Variants in KLHL29 observed in about 807,000 individuals in gnomAD.
KLHL29 encodes the protein kelch like family member 29.
KLHL29 carries 21 observed loss-of-function variants against 80.4 expected under a neutral mutation model. The ratio of observed to expected loss-of-function variants is 0.26; its 90% CI spans 0.19 to 0.38. KLHL29 has a LOEUF of 0.38. Ranked by LOEUF, KLHL29 falls within the 10% of genes least tolerant of loss-of-function variation. The pLI is 1.00. For missense variants in KLHL29, 867 were observed against 1,223.9 expected (o/e 0.71, Z 4.35); for synonymous variants, 511 against 526.8 (o/e 0.97, Z 0.41).
chr2:23,653,315 T>C (rs924762373), intron 5 of KLHL29, among the ~76,000 whole-genome samples: 2 of 152,232 alleles, frequency 1.3e-5, no homozygotes, highest in African/African-American at 4.8e-5. Context: ...CCCTGTGGAA[T>C]TGCTTCATTT....
intron 1 of KLHL29, among the ~76,000 whole-genome samples, chr2:23,404,488 C>A (rs1304555704): frequency 6.6e-6 from 1 of 152,330 alleles, no homozygotes; most frequent in South Asian, 2.1e-4. Context: ...TCCTTTAAAT[C>A]TCGTGAAGGA....
At chr2:23,442,823 A>G (rs1272284741) in intron 1 of KLHL29, among the ~76,000 whole-genome samples, 1 of 152,202 alleles carries the variant, frequency 6.6e-6, no homozygotes, top group East Asian at 1.9e-4. Context: ...CACCAAAGTA[A>G]CAGTCCATTA....
At chr2:23,469,274 T>C (rs532874471) in intron 1 of KLHL29, among the ~76,000 whole-genome samples, 1 of 152,292 alleles carries the variant, frequency 6.6e-6, no homozygotes, top group African/African-American at 2.4e-5. Context: ...CATGGTGACC[T>C]GGAGGGTGTT....
At chr2:23,554,085 G>A (rs1465889935) in intron 2 of KLHL29, among the ~76,000 whole-genome samples, 1 of 152,280 alleles carries the variant, frequency 6.6e-6, no homozygotes, top group East Asian at 1.9e-4. Flanking sequence ...CTGGGGGCTG[G>A]AGCAGCCCCA....
In KLHL29 at chr2:23,442,302, C is replaced by T. The variant is rs111565784; in HGVS notation, c.-153-33258C>T. 6.8e-3 allele frequency among the ~76,000 whole-genome samples: 1,029 copies of T among 152,194 alleles called. 8 individuals are homozygous for T. The highest frequency in any genetic ancestry group is 0.019 in the African/African-American group (776 of 41,530). ...GATATGGGGTCTCCCTGTGTTGCCCCAGCTGGCCTCAAACTCCTGGGCTCA... is the reference window on the plus strand; with the variant it reads ...GATATGGGGTCTCCCTGTGTTGCCCTAGCTGGCCTCAAACTCCTGGGCTCA... On this transcript the variant is annotated intron_variant, in intron 1 of 13. Transcript: ENST00000486442.
chr2:23,692,748 T>G (rs1671701237), intron 7 of KLHL29, among the ~76,000 whole-genome samples: 1 of 151,946 alleles, frequency 6.6e-6, no homozygotes. Flanking sequence ...ACCTAGCCAC[T>G]AAGCCCAGGA....
intron 2 of KLHL29, among the ~76,000 whole-genome samples, chr2:23,505,032 C>T (rs1457060072): frequency 6.6e-6 from 1 of 152,228 alleles, no homozygotes; most frequent in Non-Finnish European, 1.5e-5. Flanking sequence ...TCTCACCTTC[C>T]CGCTGGGAAC....
intron 1 of KLHL29, among the ~76,000 whole-genome samples, chr2:23,434,190 G>A (rs993924111): frequency 3.6e-4 from 55 of 152,002 alleles, no homozygotes; most frequent in African/African-American, 1.2e-3. Context: ...GCGTGTTGGC[G>A]GGCGCCTGTA....
rs960249581 is a variant in KLHL29, at chr2:23,696,232, A to G, written c.1924+99A>G. The G allele has an allele frequency of 2.7e-6, 4 of 1,487,642 alleles. No individual in the cohort carries two copies. In the Admixed American group the frequency reaches 8.1e-5, roughly 30 times the overall value. The allele number at this position is 1,487,642 out of a possible 1,614,324, so 92.2% of individuals were successfully genotyped here. A position where few individuals can be genotyped will look rare whatever the true frequency, so the allele number is the denominator to read the frequency against. On this transcript the variant is annotated intron_variant, in intron 10 of 13. Transcript: ENST00000486442. The surrounding 1 kb of genome is among the most constrained non-coding windows in gnomAD (Gnocchi z 5.5). ...GGAAGGCCATGGCCCAGAAGTGTCT[A>G]CTTTGCAGGTGAAGCCTTCCTCTGC...
chr2:23,391,928 A>G (rs1233429884), intron 1 of KLHL29, among the ~76,000 whole-genome samples: 1 of 152,174 alleles, frequency 6.6e-6, no homozygotes, highest in Non-Finnish European at 1.5e-5. Context: ...GGCTTGTCCT[A>G]GTTGCAGTGA....
rs114603933 is a variant in KLHL29, at chr2:23,496,752, A to G, written c.-46+21085A>G. ...TCCTCTTCCCCTGACTTCTGTGGCA[A>G]TGCTTGGGGGAAAGTTATTTACTGA... On this transcript the variant is annotated intron_variant, in intron 2 of 13. Coordinates refer to ENST00000486442, the MANE Select transcript of KLHL29 (RefSeq NM_052920.2). 5.9e-3 allele frequency among the ~76,000 whole-genome samples: 902 copies of G among 152,308 alleles called. 14 individuals are homozygous for G. The highest frequency in any genetic ancestry group is 0.056 in the South Asian group (269 of 4,820).
rs975348383 is a variant in KLHL29, at chr2:23,503,222, G to A, written c.-46+27555G>A. 6.6e-6 allele frequency among the ~76,000 whole-genome samples: 1 copy of A among 152,200 alleles called. No individual in the cohort carries two copies. Among genetic ancestry groups the A allele is most frequent in the East Asian group, 1.9e-4 (1 of 5,186 alleles). On this transcript the variant is annotated intron_variant, in intron 2 of 13. Transcript: ENST00000486442. The surrounding 1 kb of genome is among the most constrained non-coding windows in gnomAD (Gnocchi z 4.0). ...GTCCTGTGAAGTAGACCTGGCAGGGGATGGCTGCTCCGGGCTGGCCTGGGC... is the reference window on the plus strand; with the variant it reads ...GTCCTGTGAAGTAGACCTGGCAGGGAATGGCTGCTCCGGGCTGGCCTGGGC...
chr2:23,612,446 T>C (rs1353630244), intron 3 of KLHL29, among the ~76,000 whole-genome samples: 1 of 152,124 alleles, frequency 6.6e-6, no homozygotes, highest in East Asian at 1.9e-4. Flanking sequence ...GTGAAATAAT[T>C]TGTCACCAGA....
Position 23,695,595 on chromosome 2 carries a change from A to G in KLHL29, c.1543-28A>G. On this transcript the variant is annotated intron_variant, in intron 8 of 13. Coordinates refer to ENST00000486442, the MANE Select transcript of KLHL29 (RefSeq NM_052920.2). This position sits in a 1 kb window ranked among gnomAD's most constrained non-coding sequence, Gnocchi z 7.6. ...GAGGTGGCTCTCTCTTGCTAGTCTA[A>G]GAAGATTCTGTCTCCTGTACCCTGC... is the stretch of plus-strand genomic sequence containing the variant. 2.0e-6 allele frequency: 3 copies of G among 1,501,978 alleles called. No individual in the cohort carries two copies. Among genetic ancestry groups the G allele is most frequent in the Non-Finnish European group, 2.7e-6 (3 of 1,117,256 alleles). 93.0% of individuals were successfully genotyped at this position (1,501,978 alleles called of 1,614,324 possible).
At chr2:23,481,228 C>T (rs1435270970) in intron 2 of KLHL29, among the ~76,000 whole-genome samples, 2 of 152,212 alleles carry the variant, frequency 1.3e-5, no homozygotes, top group African/African-American at 4.8e-5. Flanking sequence ...GAAGCACTGC[C>T]AAGCCTGGAG....
intron 1 of KLHL29, among the ~76,000 whole-genome samples, chr2:23,402,928 A>G (rs1296425315): frequency 6.6e-6 from 1 of 150,466 alleles, no homozygotes; most frequent in Non-Finnish European, 1.5e-5. Flanking sequence ...TATATCTTAT[A>G]TATCATATAT....
At chr2:23,693,588 G>A in intron 8 of KLHL29, 60 bp downstream of exon 8, 1 of 1,491,182 alleles carries the variant, frequency 6.7e-7, no homozygotes, top group South Asian at 1.2e-5. Flanking sequence ...CTGCGGCAAT[G>A]GGGTCTGCAG....
chr2:23,595,742 C>A (rs987574043), intron 3 of KLHL29, among the ~76,000 whole-genome samples: 11 of 152,140 alleles, frequency 7.2e-5, no homozygotes, highest in Admixed American at 7.2e-4. Context: ...CATCTGGACA[C>A]CCTGGAGCCA....
At chr2:23,614,627 T>A (rs1327444358) in intron 3 of KLHL29, among the ~76,000 whole-genome samples, 1 of 152,060 alleles carries the variant, frequency 6.6e-6, no homozygotes, top group Non-Finnish European at 1.5e-5. Context: ...ATCACACACA[T>A]AATATTGATA....
Sources: gnomAD v4.1 joint callset for allele counts (sites outside exome capture counted in the v4.1 genomes callset) on GRCh38, gnomAD v4.1.1 for gene constraint, Gnocchi (gnomAD v3.1) non-coding constraint, MANE v1.5 for transcripts, NCBI Gene and HGNC (gene_info 2026-07-23, HGNC 2026-07-21) for gene names.